Variants in GLRB observed in about 807,000 individuals in gnomAD.
GLRB encodes the protein glycine receptor subunit beta.
In GLRB, 33 loss-of-function variants were observed where a neutral mutation model predicts 54.2. That is an observed-to-expected ratio of 0.61 (90% CI 0.46 to 0.81). The LOEUF (loss-of-function observed/expected upper bound fraction) is 0.81, where lower values mean the gene tolerates loss of function less well. Among genes scored for constraint, GLRB ranks in the 40% least tolerant of loss-of-function variants. GLRB has a pLI of 0.00. For missense variants in GLRB, 572 were observed against 584.6 expected (o/e 0.98, Z 0.22); for synonymous variants, 209 against 208.2 (o/e 1.00, Z -0.03).
At chr4:157,154,423 C>CTTTT (rs778002566) in intron 9 of GLRB, among the ~76,000 whole-genome samples, 10 of 103,460 alleles carry the variant, frequency 9.7e-5, no homozygotes, top group Non-Finnish European at 1.4e-4. Context: ...CTTCTTTTTC[C>CTTTT]TTTTTTTTTT....
intron 2 of GLRB, among the ~76,000 whole-genome samples, chr4:157,118,958 T>A (rs1328039813): frequency 4.0e-5 from 6 of 151,548 alleles, no homozygotes; most frequent in African/African-American, 1.4e-4. Flanking sequence ...ATGGGAAAAA[T>A]TATTATGCAT....
chr4:157,155,021 A>G (rs1440890759), intron 9 of GLRB, among the ~76,000 whole-genome samples: 1 of 152,244 alleles, frequency 6.6e-6, no homozygotes, highest in African/African-American at 2.4e-5. Context: ...AATATAATTT[A>G]GAAAACTCAA....
intron 8 of GLRB, among the ~76,000 whole-genome samples, chr4:157,146,527 T>C (rs547546228): frequency 6.6e-6 from 1 of 152,096 alleles, no homozygotes; most frequent in East Asian, 1.9e-4. Context: ...TGATAAATAT[T>C]TGATGATGGG....
chr4:157,079,432 T>C (rs1387912312), intron 2 of GLRB, among the ~76,000 whole-genome samples: 3 of 152,208 alleles, frequency 2.0e-5, no homozygotes, highest in South Asian at 2.1e-4. Context: ...TGTATGAATT[T>C]GTGAGAGTAA....
At chr4:157,145,305 G>T (rs535653018) in intron 8 of GLRB, among the ~76,000 whole-genome samples, 1 of 152,274 alleles carries the variant, frequency 6.6e-6, no homozygotes, top group South Asian at 2.1e-4. Context: ...GGGTTTGAAA[G>T]CCAGTTCTGG....
chr4:157,119,196 T>A (rs1481807762), intron 2 of GLRB, among the ~76,000 whole-genome samples: 1 of 151,646 alleles, frequency 6.6e-6, no homozygotes, highest in Non-Finnish European at 1.5e-5. Flanking sequence ...AGTTATCTCT[T>A]ATAGTATAGA....
At chr4:157,104,800 G>A (rs1246824063) in intron 2 of GLRB, among the ~76,000 whole-genome samples, 3 of 151,872 alleles carry the variant, frequency 2.0e-5, no homozygotes, top group Non-Finnish European at 4.4e-5. Flanking sequence ...TATGTGCCAA[G>A]GATTTTATTC....
chr4:157,091,377 A>G (rs1734608164), intron 2 of GLRB: 2 of 152,202 alleles, frequency 1.3e-5, no homozygotes, highest in African/African-American at 4.8e-5. Context: ...GAAGAATGCA[A>G]TGGCTGTGAG....
Position 157,099,910 on chromosome 4 carries a change from T to C in GLRB, c.123-20646T>C, listed in dbSNP as rs117394644. On this transcript the variant is annotated intron_variant, in intron 2 of 9. Transcript: ENST00000264428. ...GTTTTAATTTGCATTTCCTTGATGA[T>C]TGATGTTATTGAGCACCTTTTCGCC... 8.3e-4 allele frequency among the ~76,000 whole-genome samples: 126 copies of C among 152,296 alleles called. No individual in the cohort carries two copies. In the East Asian group the frequency reaches 0.011, roughly 14 times the overall value.
At chr4:157,129,441 G>A (rs1241969729) in intron 4 of GLRB, among the ~76,000 whole-genome samples, 7 of 151,712 alleles carry the variant, frequency 4.6e-5, no homozygotes, top group Non-Finnish European at 8.9e-5. Flanking sequence ...ACCAAAACAT[G>A]TAACTAATGA....
intron 7 of GLRB, among the ~76,000 whole-genome samples, chr4:157,143,155 G>C (rs1272753091): frequency 6.6e-6 from 1 of 152,074 alleles, no homozygotes; most frequent in Non-Finnish European, 1.5e-5. Flanking sequence ...TTCAGTTGGA[G>C]TACCTTTGAG....
At chr4:157,095,935 A>T (rs1734793748) in intron 2 of GLRB, among the ~76,000 whole-genome samples, 1 of 152,168 alleles carries the variant, frequency 6.6e-6, no homozygotes. Context: ...AAGTGGAAGC[A>T]CTGGCTTGGA....
chr4:157,139,013 G>C lies in GLRB; in HGVS notation c.751+64G>C, dbSNP rs878950091. 3 of 879,370 alleles carry C rather than the reference G, an allele frequency of 3.4e-6. No homozygotes were observed. In the South Asian group the frequency reaches 4.4e-5, roughly 13 times the overall value. The allele number at this position is 879,370 out of a possible 1,614,324, so 54.5% of individuals were successfully genotyped here. A position where few individuals can be genotyped will look rare whatever the true frequency, so the allele number is the denominator to read the frequency against. On this transcript the variant is annotated intron_variant, in intron 7 of 9. Transcript: ENST00000264428. Reference sequence around the variant, plus strand: ...AAAGATACATTTTAATTAATACATAGCCAAGGGGAGAGTAGAAAAGAAGTG... The same window carrying C: ...AAAGATACATTTTAATTAATACATACCCAAGGGGAGAGTAGAAAAGAAGTG...
At chr4:157,076,777 G>C (rs1734048808) in intron 1 of GLRB, among the ~76,000 whole-genome samples, 1 of 151,976 alleles carries the variant, frequency 6.6e-6, no homozygotes, top group Non-Finnish European at 1.5e-5. Flanking sequence ...TGTGGGCAAG[G>C]TGTCTGGAAG....
chr4:157,148,552 G>A lies in GLRB; in HGVS notation c.905-4166G>A, dbSNP rs560642778. Among the ~76,000 whole-genome samples, 21 of 151,922 alleles carry A rather than the reference G, an allele frequency of 1.4e-4. No individual in the cohort carries two copies. In the South Asian group the frequency reaches 4.4e-3, roughly 32 times the overall value. ...GCTTTAACTTCAGTACACAAATTTT[G>A]GTATATTGTATTTTCATCTTTCAGT... On this transcript the variant is annotated intron_variant, in intron 8 of 9. Coordinates refer to ENST00000264428, the MANE Select transcript of GLRB (RefSeq NM_000824.5).
chr4:157,149,875 C>T (rs1189529704), intron 8 of GLRB, among the ~76,000 whole-genome samples: 1 of 151,292 alleles, frequency 6.6e-6, no homozygotes, highest in Non-Finnish European at 1.5e-5. Context: ...CTTATTTTTT[C>T]TTCTCTTTTC....
chr4:157,096,651 G>C (rs1050317908), intron 2 of GLRB, among the ~76,000 whole-genome samples: 1 of 152,104 alleles, frequency 6.6e-6, no homozygotes, highest in Non-Finnish European at 1.5e-5. Context: ...CTGTGCCCAG[G>C]ACACATACCA....
chr4:157,082,641 C>T (rs1360421777), intron 2 of GLRB, among the ~76,000 whole-genome samples: 1 of 152,052 alleles, frequency 6.6e-6, no homozygotes, highest in Non-Finnish European at 1.5e-5. Flanking sequence ...TAGTGGAATA[C>T]CTTCACCCTG....
At chr4:157,085,306 T>A (rs986318770) in intron 2 of GLRB, among the ~76,000 whole-genome samples, 5 of 152,122 alleles carry the variant, frequency 3.3e-5, no homozygotes, top group Non-Finnish European at 7.3e-5. Flanking sequence ...GGTGTTGTGA[T>A]CATAGCTAAC....
Sources: allele counts gnomAD v4.1 joint callset (sites outside exome capture counted in the v4.1 genomes callset), GRCh38; gene constraint gnomAD v4.1.1; transcripts MANE v1.5; gene names NCBI Gene and HGNC (gene_info 2026-07-23, HGNC 2026-07-21).